Variants in NT5M observed in about 807,000 individuals in gnomAD.
The protein encoded by NT5M is 5'(3')-deoxyribonucleotidase, mitochondrial.
In NT5M, 22 loss-of-function variants were observed where a neutral mutation model predicts 22.2. The ratio of observed to expected loss-of-function variants is 0.99; its 90% confidence interval spans 0.71 to 1.41. The LOEUF is 1.41. Ranked by LOEUF, NT5M falls within the 40% of genes most tolerant of loss-of-function variation. The pLI is 0.00. For synonymous variants in NT5M, 167 were observed against 133.0 expected (o/e 1.26, Z -1.76); for missense variants, 322 against 314.8 (o/e 1.02, Z -0.17).
At position 17,330,494 on chromosome 17, in the gene NT5M, A is replaced by G. The variant is rs1200680727; in HGVS notation, c.429+7249A>G. Among the ~76,000 whole-genome samples the G allele has an allele frequency of 2.0e-5, 3 of 150,638 alleles. No homozygotes were observed. The South Asian group carries it at 6.3e-4, about 32-fold the overall frequency. On this transcript the variant is annotated intron_variant, in intron 3 of 4. Coordinates refer to ENST00000389022, the MANE Select transcript of NT5M (RefSeq NM_020201.4). ...GGGTTTAAGTGATTCCCCTGCCTCA[A>G]CCTCCTGACTAGCTGGGATTACAGG...
chr17:17,303,902 G>A, intron 1 of NT5M, 85 bp downstream of exon 1: 1 of 1,308,452 alleles, frequency 7.6e-7, no homozygotes, highest in Non-Finnish European at 9.7e-7. Flanking sequence ...ACCTTGGACG[G>A]TCAGCGCCCC....
rs1228923661 is a variant in NT5M at position 17,306,554 on chromosome 17, C to G, written c.279C>G (p.Ile93Met). The G allele has an allele frequency of 6.2e-7, 1 of 1,613,656 alleles. No homozygotes were observed. The highest frequency in any genetic ancestry group is 8.5e-7 in the Non-Finnish European group (1 of 1,179,750). ...TCTCAACTTCTCAGGAGAAGGCCAT[C>G]AGCATTTGGGAGTCAAAGAATTTCT... Reference protein sequence around the residue: ...RLRPGLSEKAISIWESKNFFF... With the variant: ...RLRPGLSEKAMSIWESKNFFF... The change falls in exon 2 of 5, where the codon ATC becomes ATG. Residue 93 changes from isoleucine to methionine, a missense_variant. Coordinates refer to ENST00000389022, the MANE Select transcript of NT5M (RefSeq NM_020201.4).
intron 3 of NT5M, among the ~76,000 whole-genome samples, chr17:17,343,950 C>T (rs1273059940): frequency 4.6e-5 from 7 of 152,148 alleles, no homozygotes; most frequent in South Asian, 2.1e-4. Flanking sequence ...GCTTAGGCTG[C>T]GCCCACCCCT....
intron 2 of NT5M, among the ~76,000 whole-genome samples, chr17:17,307,327 A>G (rs949836148): frequency 1.3e-5 from 2 of 151,932 alleles, no homozygotes; most frequent in African/African-American, 4.8e-5. Flanking sequence ...AGCAGACATT[A>G]AAGAATCACA....
At chr17:17,330,667 C>T (rs1305952761) in intron 3 of NT5M, among the ~76,000 whole-genome samples, 2 of 151,554 alleles carry the variant, frequency 1.3e-5, no homozygotes, top group East Asian at 3.9e-4. Context: ...TGAGCCACCG[C>T]GCCTGGCCAA....
intron 4 of NT5M, chr17:17,345,113 C>A: frequency 1.7e-6 from 1 of 604,178 alleles, no homozygotes; most frequent in Non-Finnish European, 2.1e-6. Flanking sequence ...GGAGTGGGTG[C>A]CAGCTCTAGG....
At chr17:17,344,610 C>A (rs975334509) in intron 3 of NT5M, among the ~76,000 whole-genome samples, 184 bp from the exon 4 acceptor site, 1 of 152,296 alleles carries the variant, frequency 6.6e-6, no homozygotes, top group East Asian at 1.9e-4. Flanking sequence ...TCCCTGAGTG[C>A]TGGCGTCCTG....
At chr17:17,306,457 C>A in intron 1 of NT5M, 86 bp from the exon 2 acceptor site, 1 of 865,784 alleles carries the variant, frequency 1.2e-6, no homozygotes, top group Non-Finnish European at 1.9e-6. Context: ...AGAACCACTC[C>A]CCCTATAGCC....
At chr17:17,303,893 C>T (rs1037908294) in intron 1 of NT5M, 76 bp downstream of exon 1, 5 of 1,306,050 alleles carry the variant, frequency 3.8e-6, no homozygotes, top group African/African-American at 3.1e-5. Context: ...GCGCCGGTGA[C>T]CTTGGACGGT....
rs1165850565 is a variant in NT5M, at chr17:17,344,842, G to T, written c.478G>T (p.Val160Leu). The T allele has an allele frequency of 1.2e-6, 2 of 1,614,236 alleles. No individual in the cohort carries two copies. The highest frequency in any genetic ancestry group is 1.7e-6 in the Non-Finnish European group (2 of 1,180,028). The change falls in exon 4 of 5, where the codon GTG (valine) becomes TTG (leucine). Residue 160 changes from valine (V) to leucine (L), a missense_variant. Val to Leu is a conservative substitution (Grantham distance 32). Transcript: ENST00000389022. Reference protein sequence around the residue: ...YFGPDFLEQIVLTRDKTVVSA... With the variant: ...YFGPDFLEQILLTRDKTVVSA... ...TGGCCCTGACTTTCTGGAGCAGATTGTGCTGACCAGAGACAAGACCGTGGT... is the reference window on the plus strand; with the variant it reads ...TGGCCCTGACTTTCTGGAGCAGATTTTGCTGACCAGAGACAAGACCGTGGT...
chr17:17,318,926 A>G (rs4985764), intron 2 of NT5M, among the ~76,000 whole-genome samples: 137,496 of 151,778 alleles, frequency 0.91, 62,287 homozygotes, highest in East Asian at 1. Flanking sequence ...GTGAAATATT[A>G]TGGGGCGGGC....
intron 2 of NT5M, 44 bp downstream of exon 2, chr17:17,306,687 C>A: frequency 7.7e-7 from 1 of 1,306,190 alleles, no homozygotes; most frequent in Non-Finnish European, 1.1e-6. Context: ...GTCTGAGCAG[C>A]CACTGAGCCC....
chr17:17,337,650 A>G (rs1211291406), intron 3 of NT5M, among the ~76,000 whole-genome samples: 1 of 152,122 alleles, frequency 6.6e-6, no homozygotes, highest in Non-Finnish European at 1.5e-5. Flanking sequence ...TCAGCCTCCC[A>G]AAGTGCTGGG....
chr17:17,346,723 G>C (rs1488205231), intron 4 of NT5M, 82 bp from the exon 5 acceptor site: 6 of 1,561,214 alleles, frequency 3.8e-6, no homozygotes, highest in East Asian at 2.2e-5. Flanking sequence ...CCAGATGCCT[G>C]CCTGGATACC....
chr17:17,322,229 G>C (rs16961561), intron 2 of NT5M, among the ~76,000 whole-genome samples: 1 of 152,072 alleles, frequency 6.6e-6, no homozygotes, highest in African/African-American at 2.4e-5. Flanking sequence ...GTGTGCTGTC[G>C]AGTGTGGGCA....
chr17:17,336,681 G>A (rs1443453738), intron 3 of NT5M, among the ~76,000 whole-genome samples: 1 of 151,674 alleles, frequency 6.6e-6, no homozygotes, highest in Non-Finnish European at 1.5e-5. Context: ...CACCTGAGTA[G>A]CTGGGACTAC....
chr17:17,310,255 A>G (rs969023844), intron 2 of NT5M, among the ~76,000 whole-genome samples: 1 of 152,230 alleles, frequency 6.6e-6, no homozygotes, highest in African/African-American at 2.4e-5. Context: ...TTCCAAGTTA[A>G]CAATGAAAAA....
chr17:17,347,256 G>A lies in NT5M; in HGVS notation c.*309G>A, dbSNP rs2049780199. 1.1e-5 allele frequency: 4 copies of A among 350,540 alleles called. No homozygotes were observed. The East Asian group carries it at 2.4e-4, about 21-fold the overall frequency. The allele number at this position is 350,540 out of a possible 1,614,324, so 21.7% of individuals were successfully genotyped here. On this transcript the variant is annotated 3_prime_UTR_variant, in exon 5 of 5. Coordinates refer to ENST00000389022, the MANE Select transcript of NT5M (RefSeq NM_020201.4). ...GGGAGGAGTTGAGGCCACTGTTCAG[G>A]GGGCTGGTGGCCGTCTCCACTCCCT...
chr17:17,339,236 G>A (rs1224647603), intron 3 of NT5M, among the ~76,000 whole-genome samples: 1 of 151,610 alleles, frequency 6.6e-6, no homozygotes, highest in Non-Finnish European at 1.5e-5. Context: ...TATTTTATTT[G>A]TAGCTATTTT....
Sources: allele counts gnomAD v4.1 joint callset (sites outside exome capture counted in the v4.1 genomes callset), GRCh38; gene constraint gnomAD v4.1.1; transcripts MANE v1.5; gene names NCBI Gene and HGNC (gene_info 2026-07-23, HGNC 2026-07-21).